The following GLG1 variants were observed in gnomAD, a reference collection of about 807,000 sequenced individuals.
GLG1 encodes Golgi apparatus protein 1.
GLG1 carries 38 observed loss-of-function variants against 160.5 expected under a neutral mutation model. The ratio of observed to expected loss-of-function variants is 0.24; its 90% CI spans 0.18 to 0.31. The LOEUF (loss-of-function observed/expected upper bound fraction) is 0.31. Among genes scored for constraint, GLG1 ranks in the 10% least tolerant of loss-of-function variants. GLG1 has a pLI of 1.00. For synonymous variants in GLG1, 644 were observed against 543.4 expected (o/e 1.19, Z -2.57); for missense variants, 1,373 against 1,505.2 (o/e 0.91, Z 1.45).
At chr16:74,590,463 CA>C (rs934138874) in intron 1 of GLG1, among the ~76,000 whole-genome samples, 3 of 149,126 alleles carry the variant, frequency 2.0e-5, no homozygotes, top group South Asian at 2.1e-4. Context: ...ACTAAAAATA[CA>C]AAAAAAAATA....
chr16:74,516,343 G>A lies in GLG1; in HGVS notation c.472-7418C>T, dbSNP rs578212949. On this transcript the variant is annotated intron_variant, in intron 2 of 25. Transcript: ENST00000422840. ...CAGCAAATGTAAAAGAACAGAAATT[G>A]TAACAAACTGTCTCTCAGACCACAG... 1.8e-4 allele frequency among the ~76,000 whole-genome samples: 28 copies of A among 151,658 alleles called. 2 individuals carry two copies. The highest frequency in any genetic ancestry group is 2.9e-4 in the African/African-American group (12 of 41,068).
chr16:74,576,835 G>T (rs1488648917), intron 1 of GLG1, among the ~76,000 whole-genome samples: 1 of 151,976 alleles, frequency 6.6e-6, no homozygotes, highest in East Asian at 1.9e-4. Flanking sequence ...TCATGAATGA[G>T]ATACTGAATT....
intron 2 of GLG1, among the ~76,000 whole-genome samples, chr16:74,525,671 A>T (rs1469075499): frequency 6.7e-6 from 1 of 150,150 alleles, no homozygotes; most frequent in African/African-American, 2.5e-5. Flanking sequence ...TCTTCTGAGA[A>T]ATGCCTATTC....
intron 2 of GLG1, among the ~76,000 whole-genome samples, chr16:74,509,806 G>A (rs568113468): frequency 8.0e-5 from 12 of 149,602 alleles, no homozygotes; most frequent in East Asian, 4.1e-4. Flanking sequence ...CCGAGATAGC[G>A]CCACTGCACT....
At chr16:74,481,448 T>A (rs1014486898) in intron 10 of GLG1, among the ~76,000 whole-genome samples, 2 of 152,138 alleles carry the variant, frequency 1.3e-5, no homozygotes, top group Non-Finnish European at 2.9e-5. Flanking sequence ...TAATATTTAA[T>A]GAGTAACTAT....
chr16:74,454,889 A>C (rs1212113771), intron 25 of GLG1, among the ~76,000 whole-genome samples: 1 of 151,432 alleles, frequency 6.6e-6, no homozygotes, highest in East Asian at 2.0e-4. Context: ...CATCAAAAAC[A>C]ATGTGCAGGC....
Position 74,539,584 on chromosome 16 carries a change from G to C in GLG1, c.439-7431C>G, listed in dbSNP as rs1183015743. On this transcript the variant is annotated intron_variant, in intron 1 of 25. Transcript: ENST00000422840. The stretch of plus-strand genomic sequence containing the variant: ...ACACATAGGTATAAATATACTGACA[G>C]GACTTTTAGCTTTGTCAAGTACTAA... Among the ~76,000 whole-genome samples the C allele has an allele frequency of 3.3e-5, 5 of 151,090 alleles. 1 individual carries two copies. The highest frequency in any genetic ancestry group is 7.4e-5 in the Non-Finnish European group (5 of 67,866).
intron 13 of GLG1, 81 bp from the exon 14 acceptor site, chr16:74,472,492 G>GTAA (rs2015242059): frequency 7.4e-7 from 1 of 1,347,254 alleles, no homozygotes; most frequent in African/African-American, 1.5e-5. Flanking sequence ...TTCTGAATCA[G>GTAA]TAATATCTGA....
Position 74,452,215 on chromosome 16 carries a change from C to G in GLG1, c.*952G>C. On this transcript the variant is annotated 3_prime_UTR_variant, in exon 26 of 26. Transcript: ENST00000422840. ...CCCACACCCATCTTCAAGGACCCCT[C>G]CCGCCACAGTCCTGCCTCCTGATGA... 1.3e-6 allele frequency: 2 copies of G among 1,538,540 alleles called. No individual in the cohort carries two copies. The highest frequency in any genetic ancestry group is 1.8e-6 in the Non-Finnish European group (2 of 1,142,370).
Position 74,480,228 on chromosome 16 carries a change from A to T in GLG1, c.1827+13T>A. On this transcript the variant is annotated intron_variant, in intron 11 of 25. Transcript: ENST00000422840. ...GACAAGAAGAAGAAATGAAGTCGATATTCACTGCATACCCTCCTTCCCTGT... is the reference window on the plus strand; with the variant it reads ...GACAAGAAGAAGAAATGAAGTCGATTTTCACTGCATACCCTCCTTCCCTGT... 6.3e-7 allele frequency: 1 copy of T among 1,587,516 alleles called. No individual in the cohort carries two copies. The highest frequency in any genetic ancestry group is 8.6e-7 in the Non-Finnish European group (1 of 1,156,602).
At position 74,534,557 on chromosome 16, in the gene GLG1, T is replaced by C. The variant is rs140330331; in HGVS notation, c.439-2404A>G. The stretch of plus-strand genomic sequence containing the variant: ...TGTCAAATAAGATGTAAGCTCCCCA[T>C]AGAAAGAAATGTATTGTCATGTTTA... On this transcript the variant is annotated intron_variant, in intron 1 of 25. Transcript: ENST00000422840. Among the ~76,000 whole-genome samples the C allele has an allele frequency of 8.8e-3, 1,345 of 152,100 alleles. 13 individuals are homozygous for C. Among genetic ancestry groups the C allele is most frequent in the African/African-American group, 0.03 (1,253 of 41,430 alleles).
intron 1 of GLG1, among the ~76,000 whole-genome samples, chr16:74,539,036 G>T (rs972608652): frequency 6.6e-6 from 1 of 151,722 alleles, no homozygotes; most frequent in Non-Finnish European, 1.5e-5. Flanking sequence ...TAGGCTGTGG[G>T]TGGCATTGAA....
intron 13 of GLG1, chr16:74,472,754 C>A (rs1007788165): frequency 2.5e-6 from 1 of 406,152 alleles, no homozygotes; most frequent in East Asian, 7.0e-5. Context: ...AAAATGAAAA[C>A]AGGGGTAACT....
Position 74,496,627 on chromosome 16 carries a change from A to C in GLG1, c.792T>G (p.Gly264=), listed in dbSNP as rs750477881. The change falls in exon 5 of 26, where the codon GGT becomes GGG. Residue 264 remains glycine, a synonymous_variant. Coordinates refer to ENST00000422840, the MANE Select transcript of GLG1 (RefSeq NM_001145667.2). ...RLGEKDAHSQ[G]EVVSCLEKGL... is the part of the protein sequence containing the mutation. Reference sequence around the variant, plus strand: ...CTTTCTCCAAGCATGATACCACCTCACCTTGTGAATGTGCATCCTAAAATA... The same window carrying C: ...CTTTCTCCAAGCATGATACCACCTCCCCTTGTGAATGTGCATCCTAAAATA... The C allele has an allele frequency of 1.2e-6, 2 of 1,610,292 alleles. No homozygotes were observed. Among genetic ancestry groups the C allele is most frequent in the East Asian group, 4.5e-5 (2 of 44,848 alleles).
intron 2 of GLG1, among the ~76,000 whole-genome samples, chr16:74,530,690 T>C (rs972427550): frequency 6.6e-6 from 1 of 151,924 alleles, no homozygotes; most frequent in African/African-American, 2.4e-5. Flanking sequence ...CAGGCTGCAG[T>C]GCAGTTTTGT....
At chr16:74,543,413 G>A (rs1387453718) in intron 1 of GLG1, among the ~76,000 whole-genome samples, 11 of 152,216 alleles carry the variant, frequency 7.2e-5, no homozygotes, top group Non-Finnish European at 1.6e-4. Context: ...GCAGTAATGT[G>A]TTATGTTAGA....
chr16:74,516,287 C>A, intron 2 of GLG1, among the ~76,000 whole-genome samples: 1 of 151,740 alleles, frequency 6.6e-6, no homozygotes. Context: ...TATTCCAAAA[C>A]TGACCACATA....
chr16:74,503,787 G>A, intron 3 of GLG1, 41 bp from the exon 4 acceptor site: 1 of 1,233,688 alleles, frequency 8.1e-7, no homozygotes, highest in Non-Finnish European at 1.2e-6. Flanking sequence ...AGTGTTCCAT[G>A]CTCGTATCAA....
intron 17 of GLG1, 107 bp downstream of exon 17, chr16:74,468,839 A>C: frequency 1.4e-6 from 1 of 716,014 alleles, no homozygotes; most frequent in Non-Finnish European, 2.6e-6. Flanking sequence ...TCAAGTCTTA[A>C]CCATCACAGT....
Sources: gnomAD v4.1 joint callset for allele counts (sites outside exome capture counted in the v4.1 genomes callset) on GRCh38, gnomAD v4.1.1 for gene constraint, MANE v1.5 for transcripts, NCBI Gene and HGNC (gene_info 2026-07-23, HGNC 2026-07-21) for gene names.